The following NAV2 variants were observed in gnomAD, a reference collection of about 807,000 sequenced individuals.
NAV2 encodes the protein neuron navigator 2.
In NAV2, 54 loss-of-function variants were observed where a neutral mutation model predicts 223.2. That is an observed-to-expected ratio of 0.24 (90% CI 0.19 to 0.30). The LOEUF (loss-of-function observed/expected upper bound fraction) is 0.30, where lower values mean the gene tolerates loss of function less well. Ranked by LOEUF, NAV2 falls within the 10% of genes least tolerant of loss-of-function variation. The pLI, the probability that NAV2 is intolerant of heterozygous loss-of-function variation, is 1.00. For synonymous variants in NAV2, 1,279 were observed against 1,239.3 expected, an observed-to-expected ratio of 1.03 and a Z score of -0.67; for missense variants, 2,806 against 3,147.5, an observed-to-expected ratio of 0.89 and a Z score of 2.60.
At chr11:19,538,525 T>G (rs1435259781) in intron 1 of NAV2, among the ~76,000 whole-genome samples, 2 of 132,078 alleles carry the variant, frequency 1.5e-5, no homozygotes, top group Non-Finnish European at 2.9e-5. Context: ...TTTTGTTTTT[T>G]TTTTTTCTGC....
At chr11:19,518,113 T>C (rs1166119064) in intron 1 of NAV2, among the ~76,000 whole-genome samples, 3 of 152,214 alleles carry the variant, frequency 2.0e-5, no homozygotes, top group African/African-American at 4.8e-5. Context: ...ATTTCTTCAT[T>C]TGGGCTTGGA....
At chr11:19,837,374 A>G (rs1398042581) in intron 2 of NAV2, among the ~76,000 whole-genome samples, 1 of 152,228 alleles carries the variant, frequency 6.6e-6, no homozygotes, top group Non-Finnish European at 1.5e-5. Context: ...GGATGCTGAA[A>G]TCTAGAGGGG....
At chr11:19,919,044 A>C (rs1329221955) in intron 6 of NAV2, among the ~76,000 whole-genome samples, 2 of 152,098 alleles carry the variant, frequency 1.3e-5, no homozygotes, top group Non-Finnish European at 2.9e-5. Flanking sequence ...TAAAAGTTGG[A>C]AGGATGGGAT....
chr11:19,479,320 A>G (rs1239685350), intron 1 of NAV2, among the ~76,000 whole-genome samples: 2 of 152,136 alleles, frequency 1.3e-5, no homozygotes, highest in Non-Finnish European at 2.9e-5. Flanking sequence ...TCAAGCACCA[A>G]AAGGGACCTT....
At chr11:19,876,624 A>T (rs965171812) in intron 4 of NAV2, among the ~76,000 whole-genome samples, 2 of 152,190 alleles carry the variant, frequency 1.3e-5, no homozygotes, top group African/African-American at 4.8e-5. Context: ...CATTCTGATC[A>T]ATAAATGACT....
Position 19,354,057 on chromosome 11 carries a change from T to C in NAV2, c.75+3030T>C, listed in dbSNP as rs144525317. 3.4e-3 allele frequency among the ~76,000 whole-genome samples: 525 copies of C among 152,368 alleles called. 1 individual carries two copies. Among genetic ancestry groups the C allele is most frequent in the Non-Finnish European group, 5.6e-3 (379 of 68,044 alleles). ...TGCCAAAATTTATATTATTAATCCCTTATAGATGTATATTTAGGATGTTTC... is the reference window on the plus strand; with the variant it reads ...TGCCAAAATTTATATTATTAATCCCCTATAGATGTATATTTAGGATGTTTC... On this transcript the variant is annotated intron_variant, in intron 1 of 37. Transcript: ENST00000360655.
intron 1 of NAV2, among the ~76,000 whole-genome samples, chr11:19,527,241 A>G (rs2043869324): frequency 6.6e-6 from 1 of 152,090 alleles, no homozygotes; most frequent in Non-Finnish European, 1.5e-5. Flanking sequence ...GGTTTTATAA[A>G]GGGTTTCCCC....
chr11:19,517,063 A>G (rs200763965), intron 1 of NAV2, among the ~76,000 whole-genome samples: 2 of 147,772 alleles, frequency 1.4e-5, no homozygotes, highest in East Asian at 3.9e-4. Flanking sequence ...AAAAAATAAT[A>G]ATACGATGAA....
At chr11:19,852,638 A>T (rs2061207819) in intron 3 of NAV2, among the ~76,000 whole-genome samples, 2 of 152,254 alleles carry the variant, frequency 1.3e-5, no homozygotes, top group Admixed American at 6.5e-5. Flanking sequence ...TTAACATAAC[A>T]TTTAAGCAAA....
intron 1 of NAV2, among the ~76,000 whole-genome samples, chr11:19,643,653 G>A (rs1029599155): frequency 1.4e-4 from 22 of 152,162 alleles, no homozygotes; most frequent in Admixed American, 1.2e-3. Flanking sequence ...ATAGCAGCAC[G>A]TTTTATAATC....
intron 7 of NAV2, among the ~76,000 whole-genome samples, chr11:19,938,450 T>A (rs1345884954): frequency 6.6e-6 from 1 of 152,242 alleles, no homozygotes; most frequent in Non-Finnish European, 1.5e-5. Context: ...CAGGTGGCGA[T>A]CTGCAATAAC....
chr11:19,955,341 G>C (rs1286815033), intron 10 of NAV2, among the ~76,000 whole-genome samples: 1 of 151,882 alleles, frequency 6.6e-6, no homozygotes, highest in Non-Finnish European at 1.5e-5. Flanking sequence ...AGCGAGCTGT[G>C]ATTACACCAT....
intron 1 of NAV2, among the ~76,000 whole-genome samples, chr11:19,831,226 G>C (rs551343147): frequency 1.1e-4 from 9 of 83,348 alleles, no homozygotes; most frequent in South Asian, 8.8e-4. Context: ...AGTGTTGCGG[G>C]GGGGGGGGGG....
At chr11:19,971,275 G>C (rs1429815597) in intron 10 of NAV2, among the ~76,000 whole-genome samples, 3 of 152,098 alleles carry the variant, frequency 2.0e-5, no homozygotes, top group Admixed American at 2.0e-4. Flanking sequence ...TATGTGCCAA[G>C]CTGAAGAGGT....
chr11:20,046,583 T>C (rs1201099949), intron 14 of NAV2, among the ~76,000 whole-genome samples: 1 of 86,574 alleles, frequency 1.2e-5, no homozygotes, highest in African/African-American at 4.0e-5. Flanking sequence ...AAATTTTAAC[T>C]TCCCCCTCCC....
chr11:19,811,393 G>C lies in NAV2; in HGVS notation c.268-21091G>C, dbSNP rs370904607. ...TTGACTCCCATTTGGTTTGGGAAGG[G>C]GGGTGTTTTTTCCTGCCTTTTCATG... On this transcript the variant is annotated intron_variant, in intron 1 of 37. Coordinates refer to ENST00000349880, the MANE Select transcript of NAV2 (RefSeq NM_145117.5). Among the ~76,000 whole-genome samples, 7 of 152,244 alleles carry C rather than the reference G, an allele frequency of 4.6e-5. No individual in the cohort carries two copies. In the East Asian group the frequency reaches 1.2e-3, roughly 25 times the overall value.
chr11:19,536,165 A>G (rs987542054), intron 1 of NAV2, among the ~76,000 whole-genome samples: 1 of 152,192 alleles, frequency 6.6e-6, no homozygotes, highest in African/African-American at 2.4e-5. Context: ...CAAGCCATCT[A>G]ATGAGGTGTA....
chr11:20,058,648 G>A (rs534362716), intron 19 of NAV2, among the ~76,000 whole-genome samples: 1 of 152,210 alleles, frequency 6.6e-6, no homozygotes, highest in East Asian at 1.9e-4. Flanking sequence ...TTGTATTGCA[G>A]CATGCTTGTG....
chr11:19,762,547 A>T (rs953173189), intron 1 of NAV2, among the ~76,000 whole-genome samples: 1 of 150,852 alleles, frequency 6.6e-6, no homozygotes, highest in African/African-American at 2.4e-5. Flanking sequence ...GTTCTCCTCC[A>T]TGAGCCTTGG....
Sources: gnomAD v4.1 joint callset for allele counts (sites outside exome capture counted in the v4.1 genomes callset) on GRCh38, gnomAD v4.1.1 for gene constraint, MANE v1.5 for transcripts, NCBI Gene and HGNC (gene_info 2026-07-23, HGNC 2026-07-21) for gene names.